BLOC1S6: variants seen among roughly 807,000 people sequenced by gnomAD.
The protein encoded by BLOC1S6 is biogenesis of lysosomal organelles complex 1 subunit 6.
Under a neutral mutation model 24.7 loss-of-function variants are expected in BLOC1S6, and 24 were observed. That is an observed-to-expected ratio of 0.97 (90% confidence interval 0.70 to 1.37). The LOEUF is 1.37. Ranked by LOEUF, BLOC1S6 falls within the 40% of genes most tolerant of loss-of-function variation. The pLI is 0.00. For missense variants in BLOC1S6, 175 were observed against 196.2 expected (o/e 0.89, Z 0.64); for synonymous variants, 76 against 72.6 (o/e 1.05, Z -0.23).
At chr15:45,605,629 G>A (rs937527165) in intron 4 of BLOC1S6, 115 bp downstream of exon 4, 58 of 833,594 alleles carry the variant, frequency 7.0e-5, no homozygotes, top group Middle Eastern at 3.7e-4. Flanking sequence ...TGCTCTTGCC[G>A]CCCAGGCTGG....
At chr15:45,605,350 T>C (rs1595560230) in intron 3 of BLOC1S6, 78 bp from the exon 4 acceptor site, 1 of 1,169,120 alleles carries the variant, frequency 8.6e-7, no homozygotes, top group East Asian at 2.5e-5. Flanking sequence ...AAACTATCAT[T>C]TATATATTGC....
intron 2 of BLOC1S6, among the ~76,000 whole-genome samples, chr15:45,602,540 GGAGATTTAGGCCA>G (rs1186735871): frequency 6.6e-6 from 1 of 152,206 alleles, no homozygotes; most frequent in East Asian, 1.9e-4. Flanking sequence ...TTGTAAATGA[GGAGATTTAGGCCA>G]GAGAAATAAA....
chr15:45,600,098 G>A lies in BLOC1S6; in HGVS notation c.225-3002G>A, dbSNP rs1354992083. Among the ~76,000 whole-genome samples, 541 of 143,122 alleles carry A rather than the reference G, an allele frequency of 3.8e-3. 5 individuals are homozygous for A. The highest frequency in any genetic ancestry group is 0.013 in the African/African-American group (486 of 38,196). 93.9% of individuals were successfully genotyped at this position (143,122 alleles called of 152,430 possible). A position where few individuals can be genotyped will look rare whatever the true frequency, so the allele number is the denominator to read the frequency against. On this transcript the variant is annotated intron_variant, in intron 2 of 4. Coordinates refer to ENST00000220531, the MANE Select transcript of BLOC1S6 (RefSeq NM_012388.4). ...TCGCAAGAACAAAAAACCAAACACCGCATATTCTCACTCATAGGTGGGAAT... is the reference window on the plus strand; with the variant it reads ...TCGCAAGAACAAAAAACCAAACACCACATATTCTCACTCATAGGTGGGAAT...
chr15:45,594,870 C>T (rs1000889260), intron 2 of BLOC1S6, among the ~76,000 whole-genome samples: 1 of 152,170 alleles, frequency 6.6e-6, no homozygotes, highest in African/African-American at 2.4e-5. Flanking sequence ...CAGGTGTGAG[C>T]CACTGTGCCC....
intron 1 of BLOC1S6, among the ~76,000 whole-genome samples, chr15:45,590,204 C>CT (rs1301207880): frequency 6.6e-6 from 1 of 150,688 alleles, no homozygotes; most frequent in South Asian, 2.1e-4. Context: ...TATATTTTTT[C>CT]TTTTTTTGGT....
intron 4 of BLOC1S6, among the ~76,000 whole-genome samples, 175 bp from the exon 5 acceptor site, chr15:45,606,220 G>A (rs890278752): frequency 1.3e-5 from 2 of 152,086 alleles, no homozygotes; most frequent in South Asian, 2.1e-4. Context: ...AGAGTTTAGA[G>A]CAACAAATTT....
chr15:45,604,787 T>G (rs921296602), intron 3 of BLOC1S6, among the ~76,000 whole-genome samples: 1 of 152,214 alleles, frequency 6.6e-6, no homozygotes, highest in Non-Finnish European at 1.5e-5. Context: ...CTCTCTGACA[T>G]CTCTAGGCTT....
rs569389750 is a variant in BLOC1S6, at chr15:45,607,340, G to A, written c.*826G>A. On this transcript the variant is annotated 3_prime_UTR_variant, in exon 5 of 5. Transcript: ENST00000220531. Reference sequence around the variant, plus strand: ...TGCTTCTGTGGCTTTTGGGTTCAAAGTAGATTATATATATTCCTAAAGCTT... The same window carrying A: ...TGCTTCTGTGGCTTTTGGGTTCAAAATAGATTATATATATTCCTAAAGCTT... 2.8e-4 allele frequency: 42 copies of A among 152,354 alleles called. No individual in the cohort carries two copies. Among genetic ancestry groups the A allele is most frequent in the African/African-American group, 9.4e-4 (39 of 41,566 alleles). 9.4% of individuals were successfully genotyped at this position (152,354 alleles called of 1,614,324 possible).
chr15:45,601,254 C>G lies in BLOC1S6; in HGVS notation c.225-1846C>G, dbSNP rs117862306. On this transcript the variant is annotated intron_variant, in intron 2 of 4. Coordinates refer to ENST00000220531, the MANE Select transcript of BLOC1S6 (RefSeq NM_012388.4). ...TATAGCACAGCTGCAGTTGACTGTACGTGCCTAAAACTGAAGAAAGCAAAA... is the reference window on the plus strand; with the variant it reads ...TATAGCACAGCTGCAGTTGACTGTAGGTGCCTAAAACTGAAGAAAGCAAAA... 3 of 154,340 alleles carry G rather than the reference C, an allele frequency of 1.9e-5. No homozygotes were observed. The Admixed American group carries it at 2.0e-4, about 10-fold the overall frequency. The allele number at this position is 154,340 out of a possible 1,614,324, so 9.6% of individuals were successfully genotyped here.
At chr15:45,591,933 C>T (rs1042222780) in intron 1 of BLOC1S6, 5 of 580,078 alleles carry the variant, frequency 8.6e-6, no homozygotes, top group African/African-American at 7.5e-5. Flanking sequence ...CTCCTTTCTA[C>T]CTGCTACTCC....
At chr15:45,604,876 T>G (rs1732042324) in intron 3 of BLOC1S6, among the ~76,000 whole-genome samples, 1 of 152,218 alleles carries the variant, frequency 6.6e-6, no homozygotes, top group African/African-American at 2.4e-5. Context: ...AGTCTGTACT[T>G]AAGACTCCTC....
chr15:45,594,259 A>G (rs976658882), intron 2 of BLOC1S6, among the ~76,000 whole-genome samples: 1 of 152,164 alleles, frequency 6.6e-6, no homozygotes, highest in Admixed American at 6.5e-5. Flanking sequence ...CAAGAAAAAA[A>G]TTTAGCTTTA....
At chr15:45,597,092 A>G (rs933191620) in intron 2 of BLOC1S6, among the ~76,000 whole-genome samples, 6 of 152,188 alleles carry the variant, frequency 3.9e-5, no homozygotes, top group African/African-American at 1.4e-4. Context: ...ACTTTAAAAC[A>G]GTTTGTTGAT....
chr15:45,604,763 G>T (rs1185050048), intron 3 of BLOC1S6, among the ~76,000 whole-genome samples: 1 of 152,090 alleles, frequency 6.6e-6, no homozygotes, highest in Non-Finnish European at 1.5e-5. Context: ...TGAAAATAGG[G>T]TGCTTTTCTC....
At chr15:45,587,189 G>T, upstream of BLOC1S6, 2 of 560,412 alleles carry the variant, frequency 3.6e-6, no homozygotes, top group East Asian at 3.1e-5. Context: ...GGATCGCAGG[G>T]ACTCGAGCCC....
chr15:45,602,306 A>G, intron 2 of BLOC1S6: 1 of 630,036 alleles, frequency 1.6e-6, no homozygotes, highest in Non-Finnish European at 2.8e-6. Context: ...TTTTATCATT[A>G]TTCTCTAGAT....
intron 2 of BLOC1S6, among the ~76,000 whole-genome samples, chr15:45,600,550 A>G (rs554208950): frequency 5.3e-5 from 8 of 152,328 alleles, no homozygotes; most frequent in Admixed American, 4.6e-4. Flanking sequence ...TTCTACATCA[A>G]TTGATAGGAC....
intron 2 of BLOC1S6, among the ~76,000 whole-genome samples, chr15:45,596,838 G>C (rs901505760): frequency 5.9e-5 from 9 of 151,952 alleles, no homozygotes; most frequent in Admixed American, 4.6e-4. Flanking sequence ...ACCACACCCA[G>C]CTAATTTTTG....
Position 45,603,087 on chromosome 15 carries a change from G to T in BLOC1S6, c.225-13G>T. The T allele has an allele frequency of 6.3e-7, 1 of 1,582,556 alleles. No individual in the cohort carries two copies. On this transcript the variant is annotated splice_polypyrimidine_tract_variant and intron_variant, in intron 2 of 4. Transcript: ENST00000220531. ...TATGTAGAGTTTGTCTTGGCTGTGTGTTTTTGTTTCAGACAGAACCAAGTT... is the reference window on the plus strand; with the variant it reads ...TATGTAGAGTTTGTCTTGGCTGTGTTTTTTTGTTTCAGACAGAACCAAGTT...
Sources: gnomAD v4.1 joint callset for allele counts (sites outside exome capture counted in the v4.1 genomes callset) on GRCh38, gnomAD v4.1.1 for gene constraint, MANE v1.5 for transcripts, NCBI Gene and HGNC (gene_info 2026-07-23, HGNC 2026-07-21) for gene names.